Variants in AUTS2 observed in about 807,000 individuals in gnomAD.
AUTS2 encodes the protein activator of transcription and developmental regulator AUTS2.
Under a neutral mutation model 112.4 loss-of-function variants are expected in AUTS2, and 17 were observed. The observed-to-expected ratio is 0.15, with a 90% CI of 0.10 to 0.23. The LOEUF (loss-of-function observed/expected upper bound fraction) is 0.23. Among genes scored for constraint, AUTS2 ranks in the 10% least tolerant of loss-of-function variants. The probability of loss-of-function intolerance (pLI) is 1.00; values close to 1 mark genes in which losing one functional copy is unlikely to be tolerated. For missense variants in AUTS2, 1,510 were observed against 1,701.6 expected (o/e 0.89, Z 1.98); for synonymous variants, 751 against 702.7 (o/e 1.07, Z -1.09).
intron 6 of AUTS2, among the ~76,000 whole-genome samples, chr7:70,726,230 A>C (rs1011626989): frequency 6.6e-6 from 1 of 152,156 alleles, no homozygotes; most frequent in Non-Finnish European, 1.5e-5. Context: ...AAGTTTTTAT[A>C]TAGAGACAAT....
At chr7:70,339,779 A>G (rs1236727130) in intron 4 of AUTS2, among the ~76,000 whole-genome samples, 2 of 152,186 alleles carry the variant, frequency 1.3e-5, no homozygotes, top group Non-Finnish European at 2.9e-5. Flanking sequence ...TTGGTTCATG[A>G]AGAGTCTTGA....
intron 6 of AUTS2, among the ~76,000 whole-genome samples, chr7:70,729,852 TTGTATGTATGTATGTA>T (rs56233310): frequency 4.2e-4 from 63 of 148,864 alleles, no homozygotes; most frequent in Non-Finnish European, 6.1e-4. Flanking sequence ...TGTTTGCCCA[TTGTATGTATGTATGTA>T]TGTATGTATG....
At chr7:70,043,551 T>TCCCTC (rs1801341850) in intron 2 of AUTS2, among the ~76,000 whole-genome samples, 21 of 3,128 alleles carry the variant, frequency 6.7e-3, no homozygotes, top group African/African-American at 0.015. Context: ...TTCCCTCCCT[T>TCCCTC]CCTTCCTTCC....
At chr7:70,210,072 G>A (rs1810776367) in intron 4 of AUTS2, among the ~76,000 whole-genome samples, 1 of 152,136 alleles carries the variant, frequency 6.6e-6, no homozygotes, top group South Asian at 2.1e-4. Context: ...GAATTAAACC[G>A]TGTGCATTCT....
At chr7:70,659,760 A>G (rs1806971293) in intron 5 of AUTS2, among the ~76,000 whole-genome samples, 1 of 152,158 alleles carries the variant, frequency 6.6e-6, no homozygotes, top group Admixed American at 6.5e-5. Context: ...TTGCATATAC[A>G]TAGTGTAATG....
chr7:69,876,995 G>T (rs1379791024), intron 1 of AUTS2, among the ~76,000 whole-genome samples: 1 of 152,144 alleles, frequency 6.6e-6, no homozygotes, highest in Non-Finnish European at 1.5e-5. Flanking sequence ...TTGTTACCTA[G>T]AGGTCCATGG....
intron 5 of AUTS2, among the ~76,000 whole-genome samples, chr7:70,695,613 T>G (rs1245702402): frequency 6.6e-6 from 1 of 152,182 alleles, no homozygotes; most frequent in Non-Finnish European, 1.5e-5. Flanking sequence ...CCGAAGGGAG[T>G]GAGGGTGGGC....
At chr7:70,678,057 G>A (rs1045805635) in intron 5 of AUTS2, among the ~76,000 whole-genome samples, 18 of 152,020 alleles carry the variant, frequency 1.2e-4, no homozygotes, top group African/African-American at 4.1e-4. Flanking sequence ...ACTCCAGCCT[G>A]GGCGACAGAG....
chr7:69,613,815 C>T (rs1793172203), intron 1 of AUTS2, among the ~76,000 whole-genome samples: 1 of 152,154 alleles, frequency 6.6e-6, no homozygotes, highest in South Asian at 2.1e-4. Context: ...ATTAGGAACT[C>T]TATTCTTTCT....
chr7:70,369,918 T>C (rs992565045), intron 4 of AUTS2, among the ~76,000 whole-genome samples: 2 of 152,156 alleles, frequency 1.3e-5, no homozygotes, highest in African/African-American at 2.4e-5. Context: ...CTACCAGATA[T>C]GCAAAGGGTA....
At chr7:70,777,286 G>C (rs1266370621) in intron 14 of AUTS2, 112 bp downstream of exon 14, 1 of 950,854 alleles carries the variant, frequency 1.1e-6, no homozygotes, top group East Asian at 2.5e-5. Flanking sequence ...CAGACCCATA[G>C]TTAGGAAGGA....
intron 6 of AUTS2, among the ~76,000 whole-genome samples, chr7:70,760,735 G>T (rs1303897599): frequency 6.6e-6 from 1 of 152,236 alleles, no homozygotes; most frequent in Non-Finnish European, 1.5e-5. Context: ...TAGCCCTGAA[G>T]TTAGGAACAA....
intron 5 of AUTS2, among the ~76,000 whole-genome samples, chr7:70,656,355 G>A (rs1806769848): frequency 6.6e-6 from 1 of 151,672 alleles, no homozygotes; most frequent in South Asian, 2.1e-4. Context: ...TTAATTTCAT[G>A]GAATAGTTTA....
chr7:70,741,613 C>A (rs1010098764), intron 6 of AUTS2, among the ~76,000 whole-genome samples: 13 of 151,562 alleles, frequency 8.6e-5, no homozygotes, highest in African/African-American at 2.9e-4. Flanking sequence ...ATTGCTTGAA[C>A]CCGGGAGGCG....
chr7:70,465,900 G>A (rs1349157341), intron 5 of AUTS2, among the ~76,000 whole-genome samples: 1 of 152,136 alleles, frequency 6.6e-6, no homozygotes, highest in Non-Finnish European at 1.5e-5. Flanking sequence ...GGTGGAGGGA[G>A]GAACAGCGAC....
At chr7:70,627,408 A>T (rs1426322876) in intron 5 of AUTS2, among the ~76,000 whole-genome samples, 1 of 152,222 alleles carries the variant, frequency 6.6e-6, no homozygotes, top group Non-Finnish European at 1.5e-5. Flanking sequence ...CCTTTATCAG[A>T]TGCATAATTT....
intron 1 of AUTS2, among the ~76,000 whole-genome samples, chr7:69,832,357 T>C (rs1791540497): frequency 6.6e-6 from 1 of 152,214 alleles, no homozygotes; most frequent in South Asian, 2.1e-4. Flanking sequence ...CTATAGGGAC[T>C]GGGGATATGA....
At chr7:70,206,816 C>G (rs1810597984) in intron 4 of AUTS2, among the ~76,000 whole-genome samples, 1 of 152,176 alleles carries the variant, frequency 6.6e-6, no homozygotes, top group Non-Finnish European at 1.5e-5. Flanking sequence ...ATTGGAAAAA[C>G]ATTTGTTGTA....
chr7:70,060,678 G>T (rs1802203471), intron 2 of AUTS2, among the ~76,000 whole-genome samples: 1 of 152,316 alleles, frequency 6.6e-6, no homozygotes, highest in African/African-American at 2.4e-5. Context: ...GAGCAGAAAA[G>T]AATGGTTTAA....
Sources: allele counts gnomAD v4.1 joint callset (sites outside exome capture counted in the v4.1 genomes callset), GRCh38; gene constraint gnomAD v4.1.1; transcripts MANE v1.5; gene names NCBI Gene and HGNC (gene_info 2026-07-23, HGNC 2026-07-21).